Variants in ALDH9A1 observed in about 807,000 individuals in gnomAD.
ALDH9A1 encodes the protein 4-trimethylaminobutyraldehyde dehydrogenase.
Under a neutral mutation model 56.6 loss-of-function variants are expected in ALDH9A1, and 42 were observed. That is an observed-to-expected ratio of 0.74 (90% CI 0.58 to 0.96). The LOEUF (loss-of-function observed/expected upper bound fraction) is 0.96. ALDH9A1 is among the 40% of genes least tolerant of loss of function. ALDH9A1 has a pLI of 0.00. For synonymous variants in ALDH9A1, 242 were observed against 236.0 expected (o/e 1.03, Z -0.23); for missense variants, 661 against 651.5 (o/e 1.01, Z -0.16).
chr1:165,683,181 GA>G, intron 2 of ALDH9A1, 71 bp from the exon 3 acceptor site: 1 of 1,467,392 alleles, frequency 6.8e-7, no homozygotes, highest in South Asian at 1.2e-5. Context: ...TGCTTAAATA[GA>G]ACACACTGCT....
intron 6 of ALDH9A1, among the ~76,000 whole-genome samples, chr1:165,679,161 T>C (rs540318296): frequency 9.2e-5 from 14 of 152,334 alleles, no homozygotes; most frequent in African/African-American, 2.6e-4. Context: ...AGGAACTTTA[T>C]ATTTAGAGGT....
chr1:165,682,269 A>T, intron 3 of ALDH9A1, 28 bp from the exon 4 acceptor site: 1 of 1,609,144 alleles, frequency 6.2e-7, no homozygotes, highest in East Asian at 2.2e-5. Context: ...GTAAAGGAGG[A>T]TGCAGGTCTG....
At chr1:165,693,234 G>C (rs1237418298) in intron 2 of ALDH9A1, among the ~76,000 whole-genome samples, 1 of 152,154 alleles carries the variant, frequency 6.6e-6, no homozygotes, top group Non-Finnish European at 1.5e-5. Flanking sequence ...GTAAACTAAA[G>C]AGCTTCTGCA....
intron 2 of ALDH9A1, among the ~76,000 whole-genome samples, chr1:165,693,658 G>T (rs932989646): frequency 6.6e-6 from 1 of 152,164 alleles, no homozygotes; most frequent in Non-Finnish European, 1.5e-5. Context: ...ACAGTGTGGC[G>T]ATTCCTCAAA....
At chr1:165,682,779 C>T (rs1649592214) in intron 3 of ALDH9A1, 1 of 579,784 alleles carries the variant, frequency 1.7e-6, no homozygotes, top group South Asian at 2.8e-5. Context: ...CTCATTTAAT[C>T]CTTAACCCAA....
chr1:165,667,861 A>G (rs940636158), intron 8 of ALDH9A1, among the ~76,000 whole-genome samples: 1 of 152,210 alleles, frequency 6.6e-6, no homozygotes, highest in Non-Finnish European at 1.5e-5. Context: ...TTTATCTCCA[A>G]ATAAGATGTA....
chr1:165,667,763 G>A (rs781641420), intron 8 of ALDH9A1, among the ~76,000 whole-genome samples: 1 of 152,160 alleles, frequency 6.6e-6, no homozygotes, highest in Non-Finnish European at 1.5e-5. Flanking sequence ...GTTCTTTCTA[G>A]TGAGGATTAA....
chr1:165,664,527 G>A (rs1021161239), intron 10 of ALDH9A1, among the ~76,000 whole-genome samples: 5 of 152,166 alleles, frequency 3.3e-5, no homozygotes, highest in African/African-American at 4.8e-5. Context: ...TAATGAAAAC[G>A]ATTATAATTG....
rs551705476 is a variant in ALDH9A1, at chr1:165,669,848, T to TA, written c.931-399dup. ...GAACTGTGGTCTTAAATCTAATTGT[T>TA]AAAAAATTTGTCTCTGAAATCACTA... On this transcript the variant is annotated intron_variant, in intron 6 of 10. Transcript: ENST00000354775. Among the ~76,000 whole-genome samples the TA allele has an allele frequency of 6.4e-4, 98 of 152,270 alleles. 3 individuals carry two copies. Among genetic ancestry groups the TA allele is most frequent in the African/African-American group, 2.1e-3 (89 of 41,560 alleles).
At chr1:165,676,426 G>A (rs1649359376) in intron 6 of ALDH9A1, 1 of 220,478 alleles carries the variant, frequency 4.5e-6, no homozygotes, top group South Asian at 7.3e-5. Flanking sequence ...AGGCAATACT[G>A]TAGACATCAA....
At chr1:165,667,085 T>C (rs1649031119) in intron 9 of ALDH9A1, among the ~76,000 whole-genome samples, 1 of 151,306 alleles carries the variant, frequency 6.6e-6, no homozygotes, top group African/African-American at 2.4e-5. Context: ...TAAGTGTTTA[T>C]TAAACGAGCT....
chr1:165,665,147 A>C lies in ALDH9A1; in HGVS notation c.1350-17T>G. Reference sequence around the variant, plus strand: ...TGGATGTCCCTATGAAGAAAAAAAAAATGTGTGCATTATTGAGAGTTTCTT... The same window carrying C: ...TGGATGTCCCTATGAAGAAAAAAAACATGTGTGCATTATTGAGAGTTTCTT... On this transcript the variant is annotated splice_polypyrimidine_tract_variant and intron_variant, in intron 9 of 10. Transcript: ENST00000354775. The C allele has an allele frequency of 6.2e-7, 1 of 1,604,460 alleles. No homozygotes were observed. Among genetic ancestry groups the C allele is most frequent in the Non-Finnish European group, 8.5e-7 (1 of 1,171,636 alleles).
At chr1:165,666,848 A>AT (rs34664103) in intron 9 of ALDH9A1, among the ~76,000 whole-genome samples, 3 of 152,228 alleles carry the variant, frequency 2.0e-5, no homozygotes, top group Admixed American at 6.5e-5. Flanking sequence ...GATATTAATC[A>AT]TATTACTATA....
intron 2 of ALDH9A1, among the ~76,000 whole-genome samples, chr1:165,686,017 T>A (rs1260607023): frequency 6.6e-6 from 1 of 152,148 alleles, no homozygotes; most frequent in Non-Finnish European, 1.5e-5. Flanking sequence ...CTGGTATAAG[T>A]ACCAAAGGAT....
chr1:165,680,539 T>C lies in ALDH9A1; in HGVS notation c.737A>G (p.His246Arg), dbSNP rs1649515599. The change falls in exon 5 of 11, where the codon CAT becomes CGT. Residue 246 changes from histidine (H) to arginine (R), a missense_variant. Transcript: ENST00000354775. Reference sequence around the variant, plus strand: ...GAAGGAGACTTTGGCCACATCGGGATGCTGACACAGAAACTGGCCTGTGGC... The same window carrying C: ...GAAGGAGACTTTGGCCACATCGGGACGCTGACACAGAAACTGGCCTGTGGC... ...GAATGQFLCQHPDVAKVSFTG... is the reference protein window; with the variant it reads ...GAATGQFLCQRPDVAKVSFTG... The C allele has an allele frequency of 6.2e-7, 1 of 1,614,086 alleles. No homozygotes were observed. The highest frequency in any genetic ancestry group is 1.3e-5 in the African/African-American group (1 of 74,936).
chr1:165,682,726 G>A (rs1192455053), intron 3 of ALDH9A1: 2 of 403,314 alleles, frequency 5.0e-6, no homozygotes, highest in East Asian at 4.0e-5. Context: ...CAGCAATTTG[G>A]TCTAAAGCTC....
intron 6 of ALDH9A1, among the ~76,000 whole-genome samples, chr1:165,672,649 C>G (rs530164658): frequency 2.0e-4 from 31 of 152,102 alleles, no homozygotes; most frequent in African/African-American, 6.7e-4. Context: ...AAAAATGGTT[C>G]AAAAAGGCCA....
intron 6 of ALDH9A1, among the ~76,000 whole-genome samples, chr1:165,673,846 C>T (rs1378245550): frequency 6.6e-6 from 1 of 152,080 alleles, no homozygotes; most frequent in Non-Finnish European, 1.5e-5. Flanking sequence ...ACTAGAGCAA[C>T]TTCATCTTAA....
intron 6 of ALDH9A1, chr1:165,671,641 T>A: frequency 2.1e-6 from 1 of 487,426 alleles, no homozygotes; most frequent in Non-Finnish European, 4.0e-6. Context: ...AGAGCCGGAT[T>A]CACTGTTTGG....
Sources: allele counts gnomAD v4.1 joint callset (sites outside exome capture counted in the v4.1 genomes callset), GRCh38; gene constraint gnomAD v4.1.1; transcripts MANE v1.5; gene names NCBI Gene and HGNC (gene_info 2026-07-23, HGNC 2026-07-21).